The following PPP6C variants were observed in gnomAD, a reference collection of about 807,000 sequenced individuals.
The protein encoded by PPP6C is protein phosphatase 6 catalytic subunit, also known as serine/threonine-protein phosphatase 6 catalytic subunit.
In PPP6C, 11 loss-of-function variants were observed where a neutral mutation model predicts 39.8. The ratio of observed to expected loss-of-function variants is 0.28; its 90% confidence interval spans 0.17 to 0.46. The LOEUF (loss-of-function observed/expected upper bound fraction) is 0.46, where lower values mean the gene tolerates loss of function less well. Among genes scored for constraint, PPP6C ranks in the 20% least tolerant of loss-of-function variants. The pLI, the probability that PPP6C is intolerant of heterozygous loss-of-function variation, is 1.00. For missense variants in PPP6C, 211 were observed against 373.9 expected, an observed-to-expected ratio of 0.56 and a Z score of 3.59; for synonymous variants, 129 against 130.3, an observed-to-expected ratio of 0.99 and a Z score of 0.07.
intron 1 of PPP6C, among the ~76,000 whole-genome samples, chr9:125,184,764 G>A (rs932547904): frequency 6.6e-6 from 1 of 151,984 alleles, no homozygotes; most frequent in Non-Finnish European, 1.5e-5. Flanking sequence ...CCTGAGGCCA[G>A]AAGTTCGAGA....
chr9:125,160,533 TC>T (rs766248591), intron 3 of PPP6C, among the ~76,000 whole-genome samples: 20 of 152,214 alleles, frequency 1.3e-4, no homozygotes, highest in Admixed American at 8.5e-4. Context: ...AAACAAGAGA[TC>T]CCTGCACAGT....
At chr9:125,189,619 G>C in intron 1 of PPP6C, 25 bp downstream of exon 1, 1 of 1,612,368 alleles carries the variant, frequency 6.2e-7, no homozygotes, top group African/African-American at 1.3e-5. Context: ...CAGCCGGAAG[G>C]GGCGAGCCCG....
At chr9:125,150,655 A>G in intron 6 of PPP6C, 1 of 970,896 alleles carries the variant, frequency 1.0e-6, no homozygotes, top group Non-Finnish European at 1.5e-6. Flanking sequence ...AGGATCCTGA[A>G]TATCAAAATC....
chr9:125,188,803 A>G, intron 1 of PPP6C: 1 of 328,246 alleles, frequency 3.0e-6, no homozygotes, highest in Non-Finnish European at 5.1e-6. Flanking sequence ...CAATAATAAT[A>G]ATAATAATAA....
At chr9:125,176,100 G>T (rs974369210) in intron 1 of PPP6C, among the ~76,000 whole-genome samples, 2 of 152,150 alleles carry the variant, frequency 1.3e-5, no homozygotes, top group East Asian at 3.9e-4. Flanking sequence ...AAACTCTAAA[G>T]GAGGTAAGGC....
chr9:125,183,651 C>T (rs1011920578), intron 1 of PPP6C, among the ~76,000 whole-genome samples: 1 of 152,182 alleles, frequency 6.6e-6, no homozygotes, highest in Admixed American at 6.6e-5. Flanking sequence ...TCAAGTTCCC[C>T]GAACCAGCCA....
rs1836009611 is a variant in PPP6C at position 125,153,933 on chromosome 9, T to C, written c.432A>G (p.Lys144=). The C allele has an allele frequency of 1.2e-6, 2 of 1,611,964 alleles. No individual in the cohort carries two copies. The change falls in exon 5 of 7, where the codon AAA becomes AAG. Residue 144 remains lysine, a synonymous_variant. Coordinates refer to ENST00000373547, the MANE Select transcript of PPP6C (RefSeq NM_002721.5). The part of the protein sequence containing the change: ...GNANAWRYCT[K]VFDMLTVAAL... ...CTGCTACTGTGAGCATGTCAAAAAC[T>C]TTGGTACAGTATCTCCAGGCATTAG... is the stretch of plus-strand genomic sequence containing the variant.
intron 1 of PPP6C, among the ~76,000 whole-genome samples, chr9:125,173,165 A>G (rs959264372): frequency 6.6e-6 from 1 of 151,772 alleles, no homozygotes; most frequent in Non-Finnish European, 1.5e-5. Context: ...GTAATCCCAG[A>G]ACTTTGGGAG....
chr9:125,162,313 C>G (rs1828894604), intron 2 of PPP6C, among the ~76,000 whole-genome samples: 1 of 151,676 alleles, frequency 6.6e-6, no homozygotes, highest in African/African-American at 2.4e-5. Flanking sequence ...CAAAAATTAT[C>G]CAGGGGTGGT....
intron 2 of PPP6C, among the ~76,000 whole-genome samples, chr9:125,161,511 A>G (rs1400060371): frequency 2.6e-5 from 4 of 152,164 alleles, no homozygotes; most frequent in Non-Finnish European, 4.4e-5. Flanking sequence ...TGGTGCAATC[A>G]TAACTCACTG....
chr9:125,153,973 G>C lies in PPP6C; in HGVS notation c.392C>G (p.Thr131Ser). 6.2e-7 allele frequency: 1 copy of C among 1,608,316 alleles called. No individual in the cohort carries two copies. Among genetic ancestry groups the C allele is most frequent in the Admixed American group, 1.7e-5 (1 of 59,974 alleles). Residue 131 changes from threonine to serine, a missense_variant, in exon 5 of 7, where the codon ACC becomes AGC. Coordinates refer to ENST00000373547, the MANE Select transcript of PPP6C (RefSeq NM_002721.5). Reference sequence around the variant, plus strand: ...CCAGGCATTAGCATTTCCATATTTGGTTTGGCACTCATCTGTGAAAGAAAC... The same window carrying C: ...CCAGGCATTAGCATTTCCATATTTGCTTTGGCACTCATCTGTGAAAGAAAC... ...QVYGFYDECQ[T>S]KYGNANAWRY...
chr9:125,149,781 C>A lies in PPP6C; in HGVS notation c.810G>T (p.Ser270=), dbSNP rs752248149. Residue 270 remains serine (S), a synonymous_variant, in exon 7 of 7, where the codon TCG becomes TCT. Transcript: ENST00000373547. ...NYCYRCGNIA[S]IMVFKDVNTR... ...TATTTACATCTTTGAAGACCATGATCGAAGCAATATTTCCACAACGATAGC... is the reference window on the plus strand; with the variant it reads ...TATTTACATCTTTGAAGACCATGATAGAAGCAATATTTCCACAACGATAGC... 4.3e-6 allele frequency: 7 copies of A among 1,614,114 alleles called. No individual in the cohort carries two copies. The highest frequency in any genetic ancestry group is 5.1e-6 in the Non-Finnish European group (6 of 1,180,018).
intron 2 of PPP6C, among the ~76,000 whole-genome samples, chr9:125,166,512 AT>A (rs1829014369): frequency 6.6e-6 from 1 of 150,964 alleles, no homozygotes; most frequent in Admixed American, 6.7e-5. Context: ...GACTCAAAGA[AT>A]TTCACAAGTA....
At chr9:125,158,169 G>A (rs1326915389) in intron 4 of PPP6C, 72 bp downstream of exon 4, 1 of 1,430,228 alleles carries the variant, frequency 7.0e-7, no homozygotes, top group Non-Finnish European at 9.7e-7. Context: ...GCATGTGTAT[G>A]ACTTGTGTAG....
At chr9:125,163,570 A>T (rs1002701833) in intron 2 of PPP6C, among the ~76,000 whole-genome samples, 1 of 149,112 alleles carries the variant, frequency 6.7e-6, no homozygotes, top group African/African-American at 2.5e-5. Context: ...AGCTGGGATT[A>T]CAGGCGCGTG....
In PPP6C at chr9:125,149,101, A is replaced by G. The variant is rs1230260806; in HGVS notation, c.*572T>C. On this transcript the variant is annotated 3_prime_UTR_variant, in exon 7 of 7. Transcript: ENST00000373547. ...CATAAGCTGTAGCAGTTTTTAACTA[A>G]AATTTAAAAACACAACAAGGAGGGC... The G allele has an allele frequency of 6.6e-6, 1 of 152,228 alleles. No homozygotes were observed. The highest frequency in any genetic ancestry group is 1.5e-5 in the Non-Finnish European group (1 of 68,050). 9.4% of individuals were successfully genotyped at this position (152,228 alleles called of 1,614,324 possible). A position where few individuals can be genotyped will look rare whatever the true frequency, so the allele number is the denominator to read the frequency against.
At chr9:125,150,617 T>A in intron 6 of PPP6C, 1 of 901,380 alleles carries the variant, frequency 1.1e-6, no homozygotes, top group East Asian at 4.7e-5. Context: ...AGTGATCACT[T>A]AGTGAAGAGT....
intron 3 of PPP6C, 81 bp downstream of exon 3, chr9:125,160,760 G>T (rs1828852236): frequency 3.9e-6 from 4 of 1,037,194 alleles, no homozygotes; most frequent in South Asian, 3.4e-5. Flanking sequence ...ACATGGTAAA[G>T]AATTATTATG....
chr9:125,157,377 C>G (rs752990229), intron 4 of PPP6C, among the ~76,000 whole-genome samples: 7 of 152,126 alleles, frequency 4.6e-5, no homozygotes, highest in African/African-American at 1.7e-4. Context: ...GGATGTATAA[C>G]AGCAGCTTAA....
Sources: allele counts gnomAD v4.1 joint callset (sites outside exome capture counted in the v4.1 genomes callset), GRCh38; gene constraint gnomAD v4.1.1; transcripts MANE v1.5; gene names NCBI Gene and HGNC (gene_info 2026-07-23, HGNC 2026-07-21).